The following ADAMTS18 variants were observed in gnomAD, a reference collection of about 807,000 sequenced individuals.
ADAMTS18 encodes the protein ADAM metallopeptidase with thrombospondin type 1 motif 18, also known as A disintegrin and metalloproteinase with thrombospondin motifs 18.
In ADAMTS18, 157 loss-of-function variants were observed where a neutral mutation model predicts 165.9. The ratio of observed to expected loss-of-function variants is 0.95; its 90% CI spans 0.83 to 1.08. ADAMTS18 has a LOEUF of 1.08. Among genes scored for constraint, ADAMTS18 ranks in the 50% least tolerant of loss-of-function variants. The pLI is 0.00. For missense variants in ADAMTS18, 2,040 were observed against 1,534.0 expected (o/e 1.33, Z -5.51); for synonymous variants, 782 against 578.2 (o/e 1.35, Z -5.06).
At chr16:77,373,488 A>G (rs1273355978) in intron 3 of ADAMTS18, among the ~76,000 whole-genome samples, 1 of 151,808 alleles carries the variant, frequency 6.6e-6, no homozygotes, top group African/African-American at 2.4e-5. Context: ...AAGAAAGAAA[A>G]GAAAAGAAAA....
At chr16:77,370,014 T>A (rs7193747) in intron 3 of ADAMTS18, among the ~76,000 whole-genome samples, 4 of 152,148 alleles carry the variant, frequency 2.6e-5, no homozygotes, top group African/African-American at 4.8e-5. Flanking sequence ...AAAAATGCAT[T>A]TGATAAAATT....
At chr16:77,314,790 T>A (rs1403511450) in intron 16 of ADAMTS18, among the ~76,000 whole-genome samples, 1 of 32,910 alleles carries the variant, frequency 3.0e-5, no homozygotes, top group East Asian at 5.7e-4. Flanking sequence ...ATATATAAAA[T>A]ATATGTGATA....
chr16:77,324,106 A>G (rs1415730789), intron 13 of ADAMTS18, among the ~76,000 whole-genome samples: 1 of 152,224 alleles, frequency 6.6e-6, no homozygotes, highest in African/African-American at 2.4e-5. Context: ...TGTTTGAATG[A>G]AAGATGTAAT....
chr16:77,424,202 C>T (rs2057641962), intron 3 of ADAMTS18, among the ~76,000 whole-genome samples: 1 of 152,296 alleles, frequency 6.6e-6, no homozygotes, highest in Admixed American at 6.5e-5. Context: ...GGCGCGGTGG[C>T]TCACGCCTGT....
chr16:77,294,637 C>A (rs1288998647), intron 19 of ADAMTS18, among the ~76,000 whole-genome samples: 2 of 152,214 alleles, frequency 1.3e-5, no homozygotes, highest in Non-Finnish European at 2.9e-5. Context: ...AGTAGCCAGT[C>A]TTCTGATACT....
chr16:77,427,622 C>G (rs752374429), intron 3 of ADAMTS18, among the ~76,000 whole-genome samples: 2 of 152,128 alleles, frequency 1.3e-5, no homozygotes. Context: ...GTGAGCTTTT[C>G]TAGGTTACCC....
chr16:77,408,822 A>T (rs12924187), intron 3 of ADAMTS18, among the ~76,000 whole-genome samples: 82,848 of 151,862 alleles, frequency 0.55, 23,507 homozygotes, highest in Non-Finnish European at 0.64. Flanking sequence ...AATTAGCTGT[A>T]TACAACAGTT....
At chr16:77,327,331 C>A (rs1040915387) in intron 12 of ADAMTS18, among the ~76,000 whole-genome samples, 1 of 152,136 alleles carries the variant, frequency 6.6e-6, no homozygotes, top group Non-Finnish European at 1.5e-5. Flanking sequence ...TCCCTTGCCA[C>A]CCCCTACCCT....
chr16:77,320,127 A>AC (rs1266210652), intron 15 of ADAMTS18, 34 bp from the exon 16 acceptor site: 4 of 1,613,436 alleles, frequency 2.5e-6, no homozygotes, highest in Non-Finnish European at 3.4e-6. Context: ...TCTGAATTCC[A>AC]CCCCATGCAT....
At chr16:77,340,347 G>A (rs997659431) in intron 11 of ADAMTS18, among the ~76,000 whole-genome samples, 1 of 151,892 alleles carries the variant, frequency 6.6e-6, no homozygotes, top group Non-Finnish European at 1.5e-5. Flanking sequence ...GCAAATTTTT[G>A]TATTTTTAGT....
intron 8 of ADAMTS18, among the ~76,000 whole-genome samples, chr16:77,358,163 G>C (rs2650890): frequency 6.6e-6 from 1 of 151,698 alleles, no homozygotes; most frequent in Non-Finnish European, 1.5e-5. Flanking sequence ...CTAGGAAAGT[G>C]TGCATGTGTG....
At chr16:77,355,249 T>C (rs1323436849) in intron 9 of ADAMTS18, among the ~76,000 whole-genome samples, 1 of 148,060 alleles carries the variant, frequency 6.8e-6, no homozygotes, top group Non-Finnish European at 1.5e-5. Flanking sequence ...AACTTTGGGT[T>C]AATTGTTTAA....
intron 3 of ADAMTS18, among the ~76,000 whole-genome samples, chr16:77,399,457 G>A (rs1183372175): frequency 6.6e-6 from 1 of 152,184 alleles, no homozygotes; most frequent in Non-Finnish European, 1.5e-5. Flanking sequence ...AGAAGCTAGA[G>A]GAGTTCTGAC....
chr16:77,380,184 T>A (rs547651908), intron 3 of ADAMTS18, among the ~76,000 whole-genome samples: 34 of 152,332 alleles, frequency 2.2e-4, no homozygotes, highest in African/African-American at 7.9e-4. Flanking sequence ...CAGAACAACA[T>A]TAACTAACAT....
At chr16:77,303,303 T>C in intron 16 of ADAMTS18, among the ~76,000 whole-genome samples, 1 of 152,190 alleles carries the variant, frequency 6.6e-6, no homozygotes. Context: ...TGGCTACGGA[T>C]GACACCCCGC....
At chr16:77,368,492 A>T (rs1034388403) in intron 3 of ADAMTS18, among the ~76,000 whole-genome samples, 4 of 148,974 alleles carry the variant, frequency 2.7e-5, no homozygotes, top group African/African-American at 1.0e-4. Context: ...GTTGGAGTAC[A>T]ATAGCACTAT....
At chr16:77,297,543 G>C in intron 17 of ADAMTS18, 128 bp from the exon 18 acceptor site, 1 of 959,896 alleles carries the variant, frequency 1.0e-6, no homozygotes, top group Non-Finnish European at 1.6e-6. Context: ...ATATTTTGTG[G>C]AACGCTTCCT....
intron 3 of ADAMTS18, among the ~76,000 whole-genome samples, chr16:77,421,394 G>A (rs1369749978): frequency 6.6e-6 from 1 of 152,222 alleles, no homozygotes; most frequent in Non-Finnish European, 1.5e-5. Context: ...ACAGAGACGT[G>A]TACAAAGTCC....
chr16:77,326,098 T>C, intron 12 of ADAMTS18, 60 bp from the exon 13 acceptor site: 1 of 1,505,690 alleles, frequency 6.6e-7, no homozygotes, highest in South Asian at 1.2e-5. Context: ...ATTAGTCACA[T>C]GCAATAATAT....
Sources: allele counts gnomAD v4.1 joint callset (sites outside exome capture counted in the v4.1 genomes callset), GRCh38; gene constraint gnomAD v4.1.1; transcripts MANE v1.5; gene names NCBI Gene and HGNC (gene_info 2026-07-23, HGNC 2026-07-21).